The following NTNG1 variants were observed in gnomAD, a reference collection of about 807,000 sequenced individuals.
The protein encoded by NTNG1 is netrin-G1.
In NTNG1, 16 loss-of-function variants were observed where a neutral mutation model predicts 54.0. The observed-to-expected ratio is 0.30, with a 90% confidence interval of 0.20 to 0.45. The LOEUF (loss-of-function observed/expected upper bound fraction) is 0.45. NTNG1 is among the 20% of genes least tolerant of loss of function. The pLI is 1.00. For missense variants in NTNG1, 530 were observed against 678.7 expected, an observed-to-expected ratio of 0.78 and a Z score of 2.43; for synonymous variants, 255 against 263.1, an observed-to-expected ratio of 0.97 and a Z score of 0.30.
chr1:107,292,349 A>G (rs1329789431), intron 2 of NTNG1, among the ~76,000 whole-genome samples: 1 of 152,160 alleles, frequency 6.6e-6, no homozygotes, highest in Non-Finnish European at 1.5e-5. Flanking sequence ...AACATTTATT[A>G]AAAAGCTTTA....
intron 3 of NTNG1, among the ~76,000 whole-genome samples, chr1:107,382,256 G>A (rs1002732909): frequency 6.6e-6 from 1 of 152,106 alleles, no homozygotes; most frequent in African/African-American, 2.4e-5. Context: ...GGACAGTCAA[G>A]GAGCCAATGT....
intron 3 of NTNG1, among the ~76,000 whole-genome samples, chr1:107,337,207 C>T (rs1171769410): frequency 6.6e-6 from 1 of 151,940 alleles, no homozygotes; most frequent in Admixed American, 6.6e-5. Flanking sequence ...TGGAAGCCAC[C>T]CAAGTATCCA....
At chr1:107,454,794 C>A (rs1375831948) in intron 7 of NTNG1, among the ~76,000 whole-genome samples, 1 of 152,186 alleles carries the variant, frequency 6.6e-6, no homozygotes, top group African/African-American at 2.4e-5. Context: ...TTTGCAATAT[C>A]CCTATAATAG....
intron 2 of NTNG1, among the ~76,000 whole-genome samples, chr1:107,236,097 A>G (rs1557833243): frequency 6.6e-6 from 1 of 152,128 alleles, no homozygotes. Context: ...CAACAAATCT[A>G]GTCATATCAT....
At chr1:107,377,900 G>T (rs1305676194) in intron 3 of NTNG1, among the ~76,000 whole-genome samples, 2 of 152,224 alleles carry the variant, frequency 1.3e-5, no homozygotes, top group Non-Finnish European at 2.9e-5. Flanking sequence ...CCCAACAAGA[G>T]TGGATAGGTA....
chr1:107,324,795 A>T lies in NTNG1; in HGVS notation c.760A>T (p.Arg254Ter). 1 of 1,613,636 alleles carries T rather than the reference A, an allele frequency of 6.2e-7. No homozygotes were observed. The highest frequency in any genetic ancestry group is 8.5e-7 in the Non-Finnish European group (1 of 1,179,764). The change falls in exon 3 of 8, where the codon AGA (arginine) becomes TGA (stop). Residue 254 changes from arginine (R) to a stop codon, truncating the protein, a stop_gained. Coordinates refer to ENST00000370068, the MANE Select transcript of NTNG1 (RefSeq NM_001113226.3). LOFTEE classifies it high-confidence loss of function. ...YGQLDTTKKLRDFFTVTDLRI... is the reference protein window; with the variant it reads ...YGQLDTTKKL ...ACAGCTGGATACAACCAAGAAACTC[A>T]GAGATTTCTTTACAGTCACAGACCT... is the stretch of plus-strand genomic sequence containing the variant.
At chr1:107,392,967 A>G (rs994060743) in intron 3 of NTNG1, among the ~76,000 whole-genome samples, 1 of 152,204 alleles carries the variant, frequency 6.6e-6, no homozygotes, top group Non-Finnish European at 1.5e-5. Context: ...GCTTTAGGAC[A>G]GCTGAGAATG....
At chr1:107,415,195 T>A (rs1674113703) in intron 5 of NTNG1, among the ~76,000 whole-genome samples, 1 of 151,734 alleles carries the variant, frequency 6.6e-6, no homozygotes, top group African/African-American at 2.4e-5. Context: ...TATTCTTGAA[T>A]GATTTGCCAT....
rs546459324 is a variant in NTNG1, at chr1:107,224,599, G to A, written c.246+75760G>A. ...AAGCTATTTGAGTAGCTTCTTTTGT[G>A]GTCAGACATTTGTTGGTCCCTAGAG... On this transcript the variant is annotated intron_variant, in intron 2 of 7. Coordinates refer to ENST00000370068, the MANE Select transcript of NTNG1 (RefSeq NM_001113226.3). 7.2e-5 allele frequency among the ~76,000 whole-genome samples: 11 copies of A among 152,158 alleles called. 1 individual carries two copies. The East Asian group carries it at 1.7e-3, about 24-fold the overall frequency.
At chr1:107,146,349 G>A (rs1654114084) in intron 1 of NTNG1, among the ~76,000 whole-genome samples, 1 of 151,912 alleles carries the variant, frequency 6.6e-6, no homozygotes, top group Non-Finnish European at 1.5e-5. Flanking sequence ...ATAAAAACTA[G>A]TAAACACAGT....
chr1:107,213,036 C>G (rs1659697065), intron 2 of NTNG1, among the ~76,000 whole-genome samples: 1 of 151,086 alleles, frequency 6.6e-6, no homozygotes, highest in Non-Finnish European at 1.5e-5. Flanking sequence ...CGAACATATC[C>G]TGAGGTGATT....
chr1:107,280,984 T>C lies in NTNG1; in HGVS notation c.247-43298T>C, dbSNP rs1664818058. 3.3e-5 allele frequency among the ~76,000 whole-genome samples: 5 copies of C among 151,702 alleles called. No homozygotes were observed. In the South Asian group the frequency reaches 1.0e-3, roughly 31 times the overall value. On this transcript the variant is annotated intron_variant, in intron 2 of 7. Coordinates refer to ENST00000370068, the MANE Select transcript of NTNG1 (RefSeq NM_001113226.3). Reference sequence around the variant, plus strand: ...AAGGGCAATTGTTCCATATAATATGTTCTCTTTCTCTTCCTGTTTTAAGCC... The same window carrying C: ...AAGGGCAATTGTTCCATATAATATGCTCTCTTTCTCTTCCTGTTTTAAGCC...
chr1:107,376,431 A>AC (rs1671265551), intron 3 of NTNG1, among the ~76,000 whole-genome samples: 1 of 146,702 alleles, frequency 6.8e-6, no homozygotes, highest in African/African-American at 2.5e-5. Context: ...AAAAAAAACA[A>AC]AAAAAAAAAA....
At chr1:107,417,060 T>A (rs545042547) in intron 5 of NTNG1, among the ~76,000 whole-genome samples, 1 of 152,244 alleles carries the variant, frequency 6.6e-6, no homozygotes, top group South Asian at 2.1e-4. Flanking sequence ...AGGCTTGTCC[T>A]ATTAATTCAA....
At chr1:107,280,034 G>GGTGT (rs58563513) in intron 2 of NTNG1, among the ~76,000 whole-genome samples, 46,757 of 146,228 alleles carry the variant, frequency 0.32, 7,746 homozygotes, top group East Asian at 0.46. Flanking sequence ...TTCCTTTGTT[G>GGTGT]GTGTGTGTGT....
intron 3 of NTNG1, among the ~76,000 whole-genome samples, chr1:107,350,965 G>T (rs925206955): frequency 2.0e-5 from 3 of 152,120 alleles, no homozygotes; most frequent in African/African-American, 7.2e-5. Flanking sequence ...CCTAAAATTT[G>T]CTAAGAATAT....
intron 3 of NTNG1, among the ~76,000 whole-genome samples, chr1:107,375,402 CTTG>C (rs374916158): frequency 1.2e-4 from 18 of 152,276 alleles, no homozygotes; most frequent in African/African-American, 4.3e-4. Flanking sequence ...TTTGTTTTGA[CTTG>C]TTGTTGCTGT....
chr1:107,392,605 A>C (rs1033123104), intron 3 of NTNG1, among the ~76,000 whole-genome samples: 15 of 152,106 alleles, frequency 9.9e-5, no homozygotes, highest in African/African-American at 3.6e-4. Flanking sequence ...ATTTTCAACA[A>C]GGAGGTCGTG....
At chr1:107,212,720 A>G (rs1659677164) in intron 2 of NTNG1, among the ~76,000 whole-genome samples, 1 of 152,182 alleles carries the variant, frequency 6.6e-6, no homozygotes, top group Non-Finnish European at 1.5e-5. Flanking sequence ...TCAACTGTGT[A>G]TGACTTCAAT....
Sources: allele counts gnomAD v4.1 joint callset (sites outside exome capture counted in the v4.1 genomes callset), GRCh38; gene constraint gnomAD v4.1.1; transcripts MANE v1.5; gene names NCBI Gene and HGNC (gene_info 2026-07-23, HGNC 2026-07-21).